Variants in F13A1 observed in about 807,000 individuals in gnomAD.
F13A1 encodes FSF, A subunit.
A neutral mutation model predicts 80.1 loss-of-function variants in F13A1; 47 were observed. The observed-to-expected ratio is 0.59, with a 90% CI of 0.46 to 0.75. The LOEUF is 0.75. F13A1 is among the 30% of genes least tolerant of loss of function. F13A1 has a pLI of 0.00. For synonymous variants in F13A1, 349 were observed against 344.9 expected (o/e 1.01, Z -0.13); for missense variants, 817 against 930.4 (o/e 0.88, Z 1.59).
intron 12 of F13A1, among the ~76,000 whole-genome samples, chr6:6,173,813 G>A (rs965041595): frequency 1.3e-5 from 2 of 152,144 alleles, no homozygotes. Flanking sequence ...CACCAGCAGA[G>A]GGCCTGTTTC....
chr6:6,283,558 T>A (rs1758095271), intron 3 of F13A1, among the ~76,000 whole-genome samples: 2 of 152,226 alleles, frequency 1.3e-5, no homozygotes, highest in Non-Finnish European at 2.9e-5. Flanking sequence ...GTATGGTTTG[T>A]CTTGTAAATT....
rs539066992 is a variant in F13A1, at chr6:6,278,342, T to C, written c.320-11533A>G. ...GAGAGGGTCAGAGCTGGGGGTGCTA[T>C]TTTAGAGACAGTGGCCAGAGGAGAC... On this transcript the variant is annotated intron_variant, in intron 3 of 14. Transcript: ENST00000264870. Among the ~76,000 whole-genome samples, 96 of 152,226 alleles carry C rather than the reference T, an allele frequency of 6.3e-4. No individual in the cohort carries two copies. In the South Asian group the frequency reaches 0.01, roughly 16 times the overall value.
At chr6:6,190,957 G>A (rs1214018716) in intron 10 of F13A1, among the ~76,000 whole-genome samples, 10 of 151,900 alleles carry the variant, frequency 6.6e-5, no homozygotes, top group South Asian at 2.1e-4. Flanking sequence ...TCGGAAAAGC[G>A]CAGTATTTGG....
At chr6:6,147,628 A>G (rs1760308030) in intron 14 of F13A1, among the ~76,000 whole-genome samples, 1 of 152,222 alleles carries the variant, frequency 6.6e-6, no homozygotes, top group African/African-American at 2.4e-5. Flanking sequence ...TTTGTGAAAC[A>G]GTGGCCCTGG....
rs1416447924 is a variant in F13A1 at position 6,296,036 on chromosome 6, G to A, written c.319+9315C>T. ...CCCATTGCTTGTTTTTCTCAGGTTT[G>A]TCAAAGATCAGATAGTTGTAGATAT... is the stretch of plus-strand genomic sequence containing the variant. On this transcript the variant is annotated intron_variant, in intron 3 of 14. Transcript: ENST00000264870. Among the ~76,000 whole-genome samples the A allele has an allele frequency of 2.1e-5, 3 of 143,908 alleles. No homozygotes were observed. In the South Asian group the frequency reaches 6.4e-4, roughly 31 times the overall value. 94.4% of individuals were successfully genotyped at this position (143,908 alleles called of 152,430 possible). A position where few individuals can be genotyped will look rare whatever the true frequency, so the allele number is the denominator to read the frequency against.
intron 2 of F13A1, among the ~76,000 whole-genome samples, chr6:6,316,770 A>T (rs927503648): frequency 5.9e-5 from 9 of 152,176 alleles, no homozygotes; most frequent in African/African-American, 2.2e-4. Flanking sequence ...TTGATCACAG[A>T]CACTGCTCAC....
chr6:6,245,496 TTAC>T (rs1408720104), intron 6 of F13A1, among the ~76,000 whole-genome samples: 4 of 152,224 alleles, frequency 2.6e-5, no homozygotes, highest in African/African-American at 9.6e-5. Context: ...AGTGCTGGGA[TTAC>T]AGGCGTGAGC....
chr6:6,168,197 T>C (rs1481342764), intron 12 of F13A1, among the ~76,000 whole-genome samples: 1 of 152,254 alleles, frequency 6.6e-6, no homozygotes, highest in Non-Finnish European at 1.5e-5. Flanking sequence ...GGCATTCAAC[T>C]ATCTCCGAAC....
intron 6 of F13A1, among the ~76,000 whole-genome samples, chr6:6,229,948 G>T (rs1757327930): frequency 6.6e-6 from 1 of 152,224 alleles, no homozygotes; most frequent in South Asian, 2.1e-4. Flanking sequence ...CTGGGAGCTT[G>T]CTAGGTCCCC....
At chr6:6,205,779 AATAAAACACAAGTT>A (rs1761476425) in intron 8 of F13A1, among the ~76,000 whole-genome samples, 1 of 152,142 alleles carries the variant, frequency 6.6e-6, no homozygotes, top group Non-Finnish European at 1.5e-5. Flanking sequence ...ATTTGGCAAA[AATAAAACACAAGTT>A]ATAAAACAAA....
At chr6:6,260,650 G>C (rs1757766834) in intron 4 of F13A1, among the ~76,000 whole-genome samples, 1 of 152,168 alleles carries the variant, frequency 6.6e-6, no homozygotes, top group African/African-American at 2.4e-5. Flanking sequence ...TTGCGTGCTA[G>C]GCCGGGAAAC....
chr6:6,247,214 A>AT (rs1208489719), intron 6 of F13A1, among the ~76,000 whole-genome samples: 5 of 151,942 alleles, frequency 3.3e-5, no homozygotes, highest in Non-Finnish European at 7.3e-5. Flanking sequence ...CTAACCAGAA[A>AT]TTATATTTCA....
In F13A1 at chr6:6,167,458, C is replaced by T. The variant is rs185994460; in HGVS notation, c.1908G>A (p.Lys636=). 2 of 1,613,648 alleles carry T rather than the reference C, an allele frequency of 1.2e-6. No homozygotes were observed. The highest frequency in any genetic ancestry group is 1.3e-5 in the African/African-American group (1 of 74,854). The part of the protein sequence containing the change: ...TVLTIPEIII[K]VRGTQVVGSD... ...TCCAGGATGAGACGCTAAGACTGAC[C>T]TTGATGATGATCTCAGGGATGGTTA... The change falls in exon 13 of 15, where the codon AAG becomes AAA. Residue 636 remains lysine, a splice_region_variant and synonymous_variant. Transcript: ENST00000264870.
intron 4 of F13A1, among the ~76,000 whole-genome samples, chr6:6,257,056 G>C (rs1017607910): frequency 1.3e-5 from 2 of 152,176 alleles, no homozygotes; most frequent in African/African-American, 4.8e-5. Context: ...AAGGAATTTA[G>C]AGCGAGGGGA....
At position 6,196,018 on chromosome 6, in the gene F13A1, G is replaced by A. The variant is rs1761284395; in HGVS notation, c.1217-133C>T. The A allele has an allele frequency of 4.7e-6, 4 of 848,032 alleles. No individual in the cohort carries two copies. The Admixed American group carries it at 8.1e-5, about 17-fold the overall frequency. 52.5% of individuals were successfully genotyped at this position (848,032 alleles called of 1,614,324 possible). A position where few individuals can be genotyped will look rare whatever the true frequency, so the allele number is the denominator to read the frequency against. On this transcript the variant is annotated intron_variant, in intron 9 of 14. Transcript: ENST00000264870. ...ACTTCATTGCTGATTTAGCCCAGAT[G>A]CTTTCCAAGGCTGAAGAGAATTCCA...
At chr6:6,271,204 C>G (rs1038716606) in intron 3 of F13A1, among the ~76,000 whole-genome samples, 4 of 152,170 alleles carry the variant, frequency 2.6e-5, no homozygotes, top group Admixed American at 1.3e-4. Flanking sequence ...AGGGACTGCT[C>G]TATTACACCC....
Position 6,210,003 on chromosome 6 carries a change from A to C in F13A1, c.1112+12030T>G, listed in dbSNP as rs563278432. The stretch of plus-strand genomic sequence containing the variant: ...CACTCTGGGAGGCTGAGGCAGGAGA[A>C]TCTCTTGAGGCCAGGAGTTCAAGAG... On this transcript the variant is annotated intron_variant, in intron 8 of 14. Transcript: ENST00000264870. Among the ~76,000 whole-genome samples the C allele has an allele frequency of 3.8e-4, 58 of 152,096 alleles. No homozygotes were observed. In the South Asian group the frequency reaches 0.011, roughly 29 times the overall value.
intron 4 of F13A1, among the ~76,000 whole-genome samples, chr6:6,257,760 A>G (rs567068515): frequency 6.6e-6 from 1 of 152,300 alleles, no homozygotes; most frequent in Non-Finnish European, 1.5e-5. Flanking sequence ...GCTGCATTAC[A>G]GCTCACACCA....
chr6:6,300,708 C>T (rs6922712), intron 3 of F13A1, among the ~76,000 whole-genome samples: 5,895 of 152,204 alleles, frequency 0.039, 312 homozygotes, highest in African/African-American at 0.12. Flanking sequence ...TCTTCTGGGT[C>T]GCTCAGGCTG....
Sources: allele counts gnomAD v4.1 joint callset (sites outside exome capture counted in the v4.1 genomes callset), GRCh38; gene constraint gnomAD v4.1.1; transcripts MANE v1.5; gene names NCBI Gene and HGNC (gene_info 2026-07-23, HGNC 2026-07-21).